Variants in ASIP observed in about 807,000 individuals in gnomAD.
The protein encoded by ASIP is agouti signaling protein, also known as agouti-signaling protein.
ASIP carries 11 observed loss-of-function variants against 10.3 expected under a neutral mutation model. That is an observed-to-expected ratio of 1.07 (90% confidence interval 0.68 to 1.78). The LOEUF is 1.78. Ranked by LOEUF, ASIP falls within the 40% of genes most tolerant of loss-of-function variation. The pLI is 0.00. For missense variants in ASIP, 180 were observed against 169.2 expected (o/e 1.06, Z -0.35); for synonymous variants, 70 against 70.8 (o/e 0.99, Z 0.06).
chr20:34,235,840 A>AAGGAAG (rs2035181862), intron 1 of ASIP, among the ~76,000 whole-genome samples: 1 of 53,754 alleles, frequency 1.9e-5, no homozygotes, highest in African/African-American at 1.9e-4. Context: ...AAAGAAAGAA[A>AAGGAAG]GAAGGAAGGA....
chr20:34,246,039 A>G, intron 1 of ASIP: 2 of 938,788 alleles, frequency 2.1e-6, no homozygotes, highest in South Asian at 2.7e-5. Context: ...TGTCATCTGT[A>G]AAGTCTCCCC....
At chr20:34,194,557 C>A (rs562899308), upstream of ASIP, 19 of 151,072 alleles carry the variant, frequency 1.3e-4, 1 homozygote, top group African/African-American at 4.4e-4. Flanking sequence ...CCACCCAACA[C>A]GCTTGCATTT....
At chr20:34,212,261 C>A (rs76918082) in intron 1 of ASIP, among the ~76,000 whole-genome samples, 3,800 of 152,198 alleles carry the variant, frequency 0.025, 76 homozygotes, top group Non-Finnish European at 0.039. Context: ...AAAATTGCAA[C>A]AACTCCCATA....
At chr20:34,239,206 T>G (rs924918467), upstream of ASIP, among the ~76,000 whole-genome samples, 5 of 152,008 alleles carry the variant, frequency 3.3e-5, no homozygotes, top group African/African-American at 1.2e-4. Context: ...AGTATGTTCC[T>G]CTTCTCCTCC....
At chr20:34,268,948 G>A (rs1282295801) in intron 3 of ASIP, 43 bp from the exon 4 acceptor site, 1 of 1,562,138 alleles carries the variant, frequency 6.4e-7, no homozygotes, top group Non-Finnish European at 8.7e-7. Flanking sequence ...GACCGGAGGG[G>A]TGGGCGTGGC....
chr20:34,263,005 A>G, intron 3 of ASIP, 112 bp downstream of exon 3: 1 of 1,258,444 alleles, frequency 7.9e-7, no homozygotes, highest in Non-Finnish European at 1.1e-6. Flanking sequence ...TCAGGCCTAT[A>G]TTAACAAAAG....
At chr20:34,241,552 T>C (rs1239085500) in intron 1 of ASIP, 63 bp downstream of exon 1, 6 of 984,360 alleles carry the variant, frequency 6.1e-6, no homozygotes, top group South Asian at 9.4e-5. Flanking sequence ...TTTGGAAAGT[T>C]GAAAGGACTT....
At chr20:34,192,986 T>G (rs1401773737), upstream of ASIP, among the ~76,000 whole-genome samples, 2 of 152,240 alleles carry the variant, frequency 1.3e-5, no homozygotes, top group African/African-American at 4.8e-5. Context: ...TTTTGAAATA[T>G]GTAATAAATT....
Position 34,196,304 on chromosome 20 carries a change from C to T in ASIP, c.-11+1544C>T, listed in dbSNP as rs561398885. On this transcript the variant is annotated intron_variant, in intron 1 of 3. Transcript: ENST00000568305. Reference sequence around the variant, plus strand: ...ACGCCATTCTCCTGCCTCAGCCTCCCGAGTAGCTACAGGCGCCCGCCACCA... The same window carrying T: ...ACGCCATTCTCCTGCCTCAGCCTCCTGAGTAGCTACAGGCGCCCGCCACCA... Among the ~76,000 whole-genome samples the T allele has an allele frequency of 2.0e-5, 3 of 151,466 alleles. No homozygotes were observed. The East Asian group carries it at 5.9e-4, about 30-fold the overall frequency.
intron 1 of ASIP, among the ~76,000 whole-genome samples, chr20:34,217,455 AAAAG>A (rs1404162867): frequency 1.3e-5 from 2 of 151,974 alleles, no homozygotes; most frequent in African/African-American, 2.4e-5. Context: ...GAAAAAAAGA[AAAAG>A]AAAGCCTGGG....
chr20:34,258,771 T>TACG, intron 1 of ASIP, among the ~76,000 whole-genome samples: 1 of 88,444 alleles, frequency 1.1e-5, no homozygotes, highest in African/African-American at 6.1e-5. Context: ...ATATATATAA[T>TACG]ATATATAGTA....
intron 1 of ASIP, among the ~76,000 whole-genome samples, chr20:34,235,961 GA>G (rs1366005853): frequency 2.4e-5 from 2 of 85,052 alleles, no homozygotes; most frequent in African/African-American, 5.2e-4. Flanking sequence ...AGGAAGGAAG[GA>G]AGGAGGGAGG....
chr20:34,266,209 G>A (rs1325829107), intron 3 of ASIP, among the ~76,000 whole-genome samples: 5 of 151,980 alleles, frequency 3.3e-5, no homozygotes, highest in Admixed American at 2.0e-4. Context: ...AAAATTAGCC[G>A]GAGGTGGTGG....
chr20:34,198,625 A>G (rs2034873790), intron 1 of ASIP, among the ~76,000 whole-genome samples: 1 of 152,024 alleles, frequency 6.6e-6, no homozygotes, highest in Non-Finnish European at 1.5e-5. Context: ...AGCTAGGATT[A>G]CAGGCACATA....
At chr20:34,222,422 C>A (rs1177997898) in intron 1 of ASIP, among the ~76,000 whole-genome samples, 3 of 152,130 alleles carry the variant, frequency 2.0e-5, no homozygotes, top group African/African-American at 4.8e-5. Flanking sequence ...GGACCCATGA[C>A]TCAGAATCAT....
At chr20:34,256,565 A>G (rs181258271) in intron 1 of ASIP, among the ~76,000 whole-genome samples, 5 of 152,272 alleles carry the variant, frequency 3.3e-5, no homozygotes, top group African/African-American at 9.6e-5. Context: ...GGCTTCCTCC[A>G]GTGCTGGGAT....
At chr20:34,190,710 AAC>A (rs1338465019), upstream of ASIP, among the ~76,000 whole-genome samples, 3 of 152,220 alleles carry the variant, frequency 2.0e-5, no homozygotes, top group African/African-American at 7.2e-5. Flanking sequence ...AGCCGGAAGA[AAC>A]ACACACATCC....
At chr20:34,208,606 G>A (rs2034953108) in intron 1 of ASIP, among the ~76,000 whole-genome samples, 1 of 152,162 alleles carries the variant, frequency 6.6e-6, no homozygotes, top group Non-Finnish European at 1.5e-5. Flanking sequence ...TCCCACCTTG[G>A]CCTCTCAAAG....
At chr20:34,214,570 G>T in intron 1 of ASIP, 1 of 1,449,092 alleles carries the variant, frequency 6.9e-7, no homozygotes, top group Non-Finnish European at 9.7e-7. Context: ...CTGCAGTGTA[G>T]AACTAAAAAC....
Sources: gnomAD v4.1 joint callset for allele counts (sites outside exome capture counted in the v4.1 genomes callset) on GRCh38, gnomAD v4.1.1 for gene constraint, MANE v1.5 for transcripts, NCBI Gene and HGNC (gene_info 2026-07-23, HGNC 2026-07-21) for gene names.